The following PPWD1 variants were observed in gnomAD, a reference collection of about 807,000 sequenced individuals.
PPWD1 encodes peptidylprolyl isomerase domain and WD repeat containing 1, also known as peptidylprolyl isomerase domain and WD repeat-containing protein 1.
Under a neutral mutation model 68.8 loss-of-function variants are expected in PPWD1, and 43 were observed. The observed-to-expected ratio is 0.62, with a 90% CI of 0.49 to 0.81. The LOEUF (loss-of-function observed/expected upper bound fraction) is 0.81. PPWD1 is among the 30% of genes least tolerant of loss of function. The probability of loss-of-function intolerance (pLI) is 0.00; values close to 1 mark genes in which losing one functional copy is unlikely to be tolerated. For synonymous variants in PPWD1, 232 were observed against 258.7 expected (o/e 0.90, Z 0.99); for missense variants, 672 against 804.8 (o/e 0.83, Z 2.00).
intron 7 of PPWD1, among the ~76,000 whole-genome samples, chr5:65,581,756 A>G (rs1400375689): frequency 2.0e-5 from 3 of 152,330 alleles, no homozygotes; most frequent in East Asian, 3.9e-4. Flanking sequence ...GAGAAACAAA[A>G]TAAGTCATTC....
chr5:65,576,887 T>C lies in PPWD1; in HGVS notation c.978T>C (p.Thr326=). ...AATGGTTTATTTCCTAGATGTTTAC[T>C]GAACTGCAACAGATGAGGCAACAGT... ...RVFDESLSMF[T]ELQQMRQQLP... The change falls in exon 6 of 11, where the codon ACT becomes ACC. Residue 326 remains threonine, a synonymous_variant. Transcript: ENST00000261308. The C allele has an allele frequency of 6.2e-7, 1 of 1,614,032 alleles. No homozygotes were observed. Among genetic ancestry groups the C allele is most frequent in the Non-Finnish European group, 8.5e-7 (1 of 1,179,926 alleles).
intron 5 of PPWD1, 99 bp from the exon 6 acceptor site, chr5:65,576,780 C>A: frequency 6.9e-7 from 1 of 1,457,928 alleles, no homozygotes; most frequent in Non-Finnish European, 9.2e-7. Context: ...ATGTATTCTG[C>A]TTCTATTTAA....
rs1753839355 is a variant in PPWD1 at position 65,586,146 on chromosome 5, A to G, written c.1762A>G (p.Asn588Asp). 1 of 1,613,140 alleles carries G rather than the reference A, an allele frequency of 6.2e-7. No individual in the cohort carries two copies. Among genetic ancestry groups the G allele is most frequent in the Non-Finnish European group, 8.5e-7 (1 of 1,179,432 alleles). Residue 588 changes from asparagine to aspartate, a missense_variant, in exon 10 of 11, where the codon AAT becomes GAT. Physicochemically the swap from Asn to Asp is conservative, Grantham distance 23. This residue lies in a region of PPWD1 where 484 missense variants were observed against 646.2 expected (regional missense o/e 0.75). Coordinates refer to ENST00000261308, the MANE Select transcript of PPWD1 (RefSeq NM_015342.4). ...LSMANAGSNT[N>D]GSQFFITVVP... is the part of the protein sequence containing the mutation. ...CATGGCTAACGCGGGATCAAATACT[A>G]ATGGATCCCAGTTTTTCATAACGGT...
intron 1 of PPWD1, 188 bp from the exon 2 acceptor site, chr5:65,567,325 A>T (rs904778504): frequency 3.6e-6 from 2 of 558,420 alleles, no homozygotes; most frequent in South Asian, 7.9e-5. Context: ...GACGCTATTC[A>T]GTGCTCTGAA....
chr5:65,573,318 T>A (rs1753099355), intron 5 of PPWD1, among the ~76,000 whole-genome samples: 1 of 148,920 alleles, frequency 6.7e-6, no homozygotes, highest in Admixed American at 6.6e-5. Context: ...TTAATTAATT[T>A]ATTTTCTGAG....
chr5:65,568,457 A>T (rs1561722248), intron 2 of PPWD1, among the ~76,000 whole-genome samples: 1 of 152,166 alleles, frequency 6.6e-6, no homozygotes, highest in Non-Finnish European at 1.5e-5. Context: ...GGCAAGGGCT[A>T]AATCCTAGAA....
At position 65,563,368 on chromosome 5, in the gene PPWD1, G is replaced by A. The variant is rs147434634; in HGVS notation, c.58G>A (p.Glu20Lys). The change falls in exon 1 of 11, where the codon GAG (glutamate) becomes AAG (lysine). Residue 20 changes from glutamate to lysine, a missense_variant. Physicochemically the swap from Glu to Lys is moderately conservative, Grantham distance 56. Coordinates refer to ENST00000261308, the MANE Select transcript of PPWD1 (RefSeq NM_015342.4). ...GAGACGTAGAAGGCGCCGGGACCCG[G>A]AGGAACCGGAAAAAACAGAACTCAG... ...QQRRRRRRDP[E>K]EPEKTELSER... is the part of the protein sequence containing the mutation. 3 of 1,614,126 alleles carry A rather than the reference G, an allele frequency of 1.9e-6. No homozygotes were observed. Among genetic ancestry groups the A allele is most frequent in the East Asian group, 2.2e-5 (1 of 44,874 alleles).
intron 6 of PPWD1, among the ~76,000 whole-genome samples, chr5:65,578,481 C>A (rs1448413262): frequency 6.6e-6 from 1 of 152,166 alleles, no homozygotes; most frequent in Admixed American, 6.5e-5. Flanking sequence ...TGTCACTCCA[C>A]ATCTGTGCCA....
intron 1 of PPWD1, among the ~76,000 whole-genome samples, chr5:65,566,492 AG>A (rs78139171): frequency 0.074 from 11,250 of 152,250 alleles, 423 homozygotes; most frequent in East Asian, 0.096. Flanking sequence ...ACCTCACTCC[AG>A]GGGAAAGTGA....
intron 2 of PPWD1, chr5:65,568,866 C>G (rs1384264293): frequency 2.2e-6 from 1 of 454,624 alleles, no homozygotes; most frequent in East Asian, 6.9e-5. Flanking sequence ...TACATATTAG[C>G]ATTGCTGTCA....
At chr5:65,568,824 C>G (rs1752883108) in intron 2 of PPWD1, 1 of 386,878 alleles carries the variant, frequency 2.6e-6, no homozygotes, top group East Asian at 7.9e-5. Flanking sequence ...TTTCTAGTCT[C>G]AAGTTATCAG....
In PPWD1 at chr5:65,568,963, A is replaced by C. The variant is rs372978168; in HGVS notation, c.300-669A>C. 1.3e-5 allele frequency: 6 copies of C among 455,850 alleles called. No individual in the cohort carries two copies. The East Asian group carries it at 3.5e-4, about 26-fold the overall frequency. 28.2% of individuals were successfully genotyped at this position (455,850 alleles called of 1,614,324 possible). A position where few individuals can be genotyped will look rare whatever the true frequency, so the allele number is the denominator to read the frequency against. ...GAATATAGGTTTTGTGGTGTGGTAG[A>C]TTGAAAGCCACTCTAGCTATATGGA... On this transcript the variant is annotated intron_variant, in intron 2 of 10. Coordinates refer to ENST00000261308, the MANE Select transcript of PPWD1 (RefSeq NM_015342.4).
intron 10 of PPWD1, among the ~76,000 whole-genome samples, chr5:65,586,646 T>C (rs1369945601): frequency 6.6e-6 from 1 of 152,166 alleles, no homozygotes; most frequent in Non-Finnish European, 1.5e-5. Context: ...CACAAAATTA[T>C]AAAAATTACC....
intron 7 of PPWD1, among the ~76,000 whole-genome samples, chr5:65,581,823 A>G (rs1272988795): frequency 2.0e-5 from 3 of 152,148 alleles, no homozygotes; most frequent in Non-Finnish European, 2.9e-5. Flanking sequence ...TTACTAGTAC[A>G]TATTCTTAAG....
chr5:65,572,381 T>G, intron 5 of PPWD1, 95 bp downstream of exon 5: 1 of 1,236,256 alleles, frequency 8.1e-7, no homozygotes, highest in South Asian at 1.6e-5. Context: ...AGATAGACAT[T>G]TAGATAGACT....
At position 65,576,990 on chromosome 5, in the gene PPWD1, A is replaced by G. The variant is rs754670905; in HGVS notation, c.1081A>G (p.Ile361Val). 5.6e-6 allele frequency: 9 copies of G among 1,614,212 alleles called. No homozygotes were observed. Among genetic ancestry groups the G allele is most frequent in the East Asian group, 2.2e-5 (1 of 44,874 alleles). ...EKVDAVRLIN[I>V]VFDETGHFVL... Reference sequence around the variant, plus strand: ...GGTTGATGCTGTAAGATTAATTAATATAGTTTTTGATGAAACTGGACACTT... The same window carrying G: ...GGTTGATGCTGTAAGATTAATTAATGTAGTTTTTGATGAAACTGGACACTT... Residue 361 changes from isoleucine (I) to valine (V), a missense_variant, in exon 6 of 11, where the codon ATA (isoleucine) becomes GTA (valine). This residue lies in a region of PPWD1 where 484 missense variants were observed against 646.2 expected (regional missense o/e 0.75). Transcript: ENST00000261308.
intron 1 of PPWD1, among the ~76,000 whole-genome samples, chr5:65,564,109 T>A (rs1300015868): frequency 6.6e-6 from 1 of 152,176 alleles, no homozygotes; most frequent in Non-Finnish European, 1.5e-5. Flanking sequence ...TTTTTGTCAC[T>A]AACGAGGAAT....
chr5:65,569,857 T>A, intron 3 of PPWD1, 21 bp from the exon 4 acceptor site: 1 of 1,581,246 alleles, frequency 6.3e-7, no homozygotes, highest in Admixed American at 1.7e-5. Context: ...TAGAATGTTT[T>A]AATTTCATTT....
chr5:65,573,472 T>C (rs1753109893), intron 5 of PPWD1, among the ~76,000 whole-genome samples: 1 of 65,908 alleles, frequency 1.5e-5, no homozygotes, highest in Non-Finnish European at 3.1e-5. Flanking sequence ...TATATATATA[T>C]ATATTTTTTT....
Sources: gnomAD v4.1 joint callset for allele counts (sites outside exome capture counted in the v4.1 genomes callset) on GRCh38, gnomAD v4.1.1 for gene constraint, gnomAD v4.1.1 regional missense constraint, MANE v1.5 for transcripts, NCBI Gene and HGNC (gene_info 2026-07-23, HGNC 2026-07-21) for gene names.